The following CIBAR2 variants were observed in gnomAD, a reference collection of about 807,000 sequenced individuals.
CIBAR2 encodes CBY1 interacting BAR domain containing 2, also known as CBY1-interacting BAR domain-containing protein 2.
A neutral mutation model predicts 36.2 loss-of-function variants in CIBAR2; 38 were observed. The ratio of observed to expected loss-of-function variants is 1.05; its 90% confidence interval spans 0.81 to 1.38. The LOEUF (loss-of-function observed/expected upper bound fraction) is 1.38. Among genes scored for constraint, CIBAR2 ranks in the 40% most tolerant of loss-of-function variants. CIBAR2 has a pLI of 0.00. For synonymous variants in CIBAR2, 182 were observed against 149.5 expected (o/e 1.22, Z -1.58); for missense variants, 481 against 383.4 (o/e 1.25, Z -2.13).
Position 85,098,903 on chromosome 16 carries a change from C to G in CIBAR2, c.*282G>C. 3.6e-6 allele frequency: 1 copy of G among 278,364 alleles called. No homozygotes were observed. The highest frequency in any genetic ancestry group is 2.3e-5 in the African/African-American group (1 of 44,054). 17.2% of individuals were successfully genotyped at this position (278,364 alleles called of 1,614,324 possible). ...CTAGGAGACTTTCCCAAGGTCACAC[C>G]GCCGGGAGCAGTGGGCTCGGACCAA... On this transcript the variant is annotated 3_prime_UTR_variant, in exon 9 of 9. Transcript: ENST00000539556.
At chr16:85,105,484 T>C in intron 5 of CIBAR2, 53 bp from the exon 6 acceptor site, 2 of 1,278,620 alleles carry the variant, frequency 1.6e-6, no homozygotes, top group Non-Finnish European at 2.3e-6. Context: ...CTTCTGGCCC[T>C]TAGACACCTT....
intron 8 of CIBAR2, 61 bp from the exon 9 acceptor site, chr16:85,099,407 T>A: frequency 1.1e-6 from 1 of 932,442 alleles, no homozygotes; most frequent in Non-Finnish European, 1.8e-6. Context: ...TAACATCTAA[T>A]GTATGTACCT....
At chr16:85,108,877 A>G (rs1415381196) in intron 2 of CIBAR2, among the ~76,000 whole-genome samples, 1 of 152,206 alleles carries the variant, frequency 6.6e-6, no homozygotes, top group Admixed American at 6.5e-5. Context: ...TCCATCTCAG[A>G]AAACAAAAAA....
At chr16:85,104,451 T>C (rs2073979558) in intron 6 of CIBAR2, among the ~76,000 whole-genome samples, 1 of 152,094 alleles carries the variant, frequency 6.6e-6, no homozygotes, top group Non-Finnish European at 1.5e-5. Flanking sequence ...GTCACACCTA[T>C]AATCCCAGCA....
intron 1 of CIBAR2, among the ~76,000 whole-genome samples, chr16:85,111,529 G>A (rs879748227): frequency 6.6e-6 from 1 of 152,166 alleles, no homozygotes; most frequent in Non-Finnish European, 1.5e-5. Context: ...TCCCTGGGAG[G>A]GGGCCTGAGA....
intron 5 of CIBAR2, among the ~76,000 whole-genome samples, chr16:85,106,140 G>T (rs1329964775): frequency 1.3e-5 from 2 of 152,180 alleles, no homozygotes; most frequent in Admixed American, 6.5e-5. Context: ...CTGCAGAGAC[G>T]GTGGGTGACC....
At chr16:85,099,977 C>T (rs2073942213) in intron 8 of CIBAR2, among the ~76,000 whole-genome samples, 162 bp downstream of exon 8, 1 of 151,780 alleles carries the variant, frequency 6.6e-6, no homozygotes, top group Non-Finnish European at 1.5e-5. Flanking sequence ...TGGTCAGACC[C>T]CCGGGCAGCC....
chr16:85,102,976 A>C (rs1208355392), intron 6 of CIBAR2, among the ~76,000 whole-genome samples: 1 of 148,298 alleles, frequency 6.7e-6, no homozygotes, highest in African/African-American at 2.5e-5. Context: ...ATCTCGGCTC[A>C]CTGCAATCTC....
intron 4 of CIBAR2, 52 bp from the exon 5 acceptor site, chr16:85,107,724 G>T: frequency 1.2e-6 from 2 of 1,611,814 alleles, no homozygotes; most frequent in Non-Finnish European, 1.7e-6. Context: ...GCCCCGTTGG[G>T]GTGGTCCGCC....
At chr16:85,099,432 C>A in intron 8 of CIBAR2, 86 bp from the exon 9 acceptor site, 1 of 798,364 alleles carries the variant, frequency 1.3e-6, no homozygotes, top group African/African-American at 1.7e-5. Flanking sequence ...ACCTCCCTAA[C>A]CTCTGAGGAA....
Position 85,108,028 on chromosome 16 carries a change from C to T in CIBAR2, c.324+3G>A. 2 of 1,613,810 alleles carry T rather than the reference C, an allele frequency of 1.2e-6. No individual in the cohort carries two copies. Among genetic ancestry groups the T allele is most frequent in the Non-Finnish European group, 1.7e-6 (2 of 1,179,766 alleles). On this transcript the variant is annotated splice_donor_region_variant and intron_variant, in intron 3 of 8. Coordinates refer to ENST00000539556, the MANE Select transcript of CIBAR2 (RefSeq NM_198491.3). ...CCACCCACACCGAGGTGCCCCGGCT[C>T]ACCCGTGTCTGCTTGATCTGTGCCC...
chr16:85,103,741 A>T (rs571087767), intron 6 of CIBAR2, among the ~76,000 whole-genome samples: 1 of 152,272 alleles, frequency 6.6e-6, no homozygotes, highest in South Asian at 2.1e-4. Flanking sequence ...TTCATTCCAC[A>T]AGCATTTACT....
At chr16:85,107,177 T>G (rs1425081015) in intron 5 of CIBAR2, among the ~76,000 whole-genome samples, 2 of 151,992 alleles carry the variant, frequency 1.3e-5, no homozygotes, top group African/African-American at 4.8e-5. Context: ...ACTCTTTGGA[T>G]GAGGTCACAC....
chr16:85,111,972 T>G (rs1019140838), intron 1 of CIBAR2, among the ~76,000 whole-genome samples: 3 of 152,130 alleles, frequency 2.0e-5, no homozygotes, highest in Admixed American at 2.0e-4. Context: ...AGGGATGGCA[T>G]GGGCCGGGGC....
At chr16:85,111,803 T>C (rs575920674) in intron 1 of CIBAR2, among the ~76,000 whole-genome samples, 5 of 152,322 alleles carry the variant, frequency 3.3e-5, no homozygotes, top group South Asian at 4.1e-4. Context: ...GAGATCGAGA[T>C]GGCACCACTG....
At chr16:85,108,217 T>C (rs7184421) in intron 2 of CIBAR2, 118 bp from the exon 3 acceptor site, 228,876 of 937,874 alleles carry the variant, frequency 0.24, 30,504 homozygotes, top group African/African-American at 0.41. Context: ...CGGCGGGAGG[T>C]GGAGCGCGAG....
intron 2 of CIBAR2, among the ~76,000 whole-genome samples, chr16:85,109,253 T>A (rs988865909): frequency 6.8e-6 from 1 of 148,080 alleles, no homozygotes; most frequent in African/African-American, 2.7e-5. Flanking sequence ...TCTTAAAATT[T>A]TTTTTTTAAT....
chr16:85,099,335 C>T lies in CIBAR2; in HGVS notation c.765G>A (p.Gln255=), dbSNP rs1430014686. 1.3e-6 allele frequency: 2 copies of T among 1,563,658 alleles called. No homozygotes were observed. Among genetic ancestry groups the T allele is most frequent in the East Asian group, 2.2e-5 (1 of 44,650 alleles). Residue 255 remains glutamine (Q), a synonymous_variant, in exon 9 of 9, where the codon CAG becomes CAA. Coordinates refer to ENST00000539556, the MANE Select transcript of CIBAR2 (RefSeq NM_198491.3). ...LQSLASQGTL[Q]VQLSRANEDP... ...CTTCATTTGCCCTACTCAGCTGGAC[C>T]TGCAGAGTTCCCTGCAGAAATATAA...
Position 85,102,258 on chromosome 16 carries a change from C to T in CIBAR2, c.607G>A (p.Ala203Thr), listed in dbSNP as rs369997578. The T allele has an allele frequency of 1.1e-4, 182 of 1,613,186 alleles. No homozygotes were observed. Among genetic ancestry groups the T allele is most frequent in the Non-Finnish European group, 1.5e-4 (178 of 1,179,360 alleles). The change falls in exon 7 of 9, where the codon GCC becomes ACC. Residue 203 changes from alanine (A) to threonine (T), a missense_variant. By Grantham distance (58) the Ala-to-Thr change is moderately conservative (BLOSUM62 0). Coordinates refer to ENST00000539556, the MANE Select transcript of CIBAR2 (RefSeq NM_198491.3). The stretch of plus-strand genomic sequence containing the variant: ...TCATACTTCTCCAGGGTCTGGAAGG[C>T]GCTAGAATACACCTCCACCGCTTTG... ...HAKAVEVYSSAFQTLEKYDLE... is the reference protein window; with the variant it reads ...HAKAVEVYSSTFQTLEKYDLE...
Sources: gnomAD v4.1 joint callset for allele counts (sites outside exome capture counted in the v4.1 genomes callset) on GRCh38, gnomAD v4.1.1 for gene constraint, MANE v1.5 for transcripts, NCBI Gene and HGNC (gene_info 2026-07-23, HGNC 2026-07-21) for gene names.